VRK2: variants seen among roughly 807,000 people sequenced by gnomAD.
VRK2 encodes the protein serine/threonine-protein kinase VRK2.
In VRK2, 60 loss-of-function variants were observed where a neutral mutation model predicts 57.6. The ratio of observed to expected loss-of-function variants is 1.04; its 90% CI spans 0.85 to 1.29. The LOEUF (loss-of-function observed/expected upper bound fraction) is 1.29, where lower values mean the gene tolerates loss of function less well. VRK2 is among the 50% of genes most tolerant of loss of function. VRK2 has a pLI of 0.00. For missense variants in VRK2, 705 were observed against 588.1 expected (o/e 1.20, Z -2.06); for synonymous variants, 231 against 199.2 (o/e 1.16, Z -1.35).
intron 1 of VRK2, among the ~76,000 whole-genome samples, chr2:57,932,050 G>A (rs1253795754): frequency 6.6e-6 from 1 of 152,098 alleles, no homozygotes; most frequent in African/African-American, 2.4e-5. Context: ...ATCAAGAAGT[G>A]TGATGCCTAC....
At chr2:57,993,141 C>T (rs1446807258) in intron 1 of VRK2, among the ~76,000 whole-genome samples, 1 of 152,150 alleles carries the variant, frequency 6.6e-6, no homozygotes, top group African/African-American at 2.4e-5. Flanking sequence ...TTTAAGGCCA[C>T]AAGACATTTC....
chr2:58,059,326 C>T (rs1304726381), intron 2 of VRK2, among the ~76,000 whole-genome samples: 1 of 151,952 alleles, frequency 6.6e-6, no homozygotes, highest in African/African-American at 2.4e-5. Context: ...TAGTTTTATA[C>T]ATTTTATACA....
intron 1 of VRK2, among the ~76,000 whole-genome samples, chr2:57,983,734 T>C (rs1672505157): frequency 6.6e-6 from 1 of 152,166 alleles, no homozygotes; most frequent in Non-Finnish European, 1.5e-5. Context: ...CAAATAAATC[T>C]TGGCTGAAAT....
At chr2:57,984,457 G>A (rs994814520) in intron 1 of VRK2, among the ~76,000 whole-genome samples, 3 of 152,070 alleles carry the variant, frequency 2.0e-5, no homozygotes, top group Non-Finnish European at 2.9e-5. Context: ...ATTTATCTCT[G>A]GTAAGAGAAG....
At chr2:58,057,273 G>A (rs1379177545) in intron 2 of VRK2, among the ~76,000 whole-genome samples, 1 of 152,122 alleles carries the variant, frequency 6.6e-6, no homozygotes, top group Non-Finnish European at 1.5e-5. Context: ...TATGTGACCT[G>A]CGTGTAAGGC....
At chr2:57,988,751 C>T (rs557063139) in intron 1 of VRK2, among the ~76,000 whole-genome samples, 1 of 152,300 alleles carries the variant, frequency 6.6e-6, no homozygotes, top group African/African-American at 2.4e-5. Context: ...GTTCTCAGGC[C>T]TTCAGATTTG....
intron 4 of VRK2, among the ~76,000 whole-genome samples, chr2:58,085,618 A>G (rs1260751234): frequency 1.3e-5 from 2 of 152,014 alleles, no homozygotes; most frequent in East Asian, 1.9e-4. Flanking sequence ...ATCATGTTTA[A>G]GAATAAGAGT....
chr2:57,936,977 T>A (rs1043084802), intron 1 of VRK2, among the ~76,000 whole-genome samples: 1 of 152,206 alleles, frequency 6.6e-6, no homozygotes, highest in Admixed American at 6.5e-5. Context: ...AAACAATATA[T>A]CTGCTCTTTC....
At chr2:57,966,893 T>C (rs1671935197) in intron 1 of VRK2, among the ~76,000 whole-genome samples, 1 of 152,058 alleles carries the variant, frequency 6.6e-6, no homozygotes, top group Non-Finnish European at 1.5e-5. Context: ...CTTATCCCAG[T>C]AGAATGGTTA....
At chr2:58,099,930 T>A (rs1033122319) in intron 7 of VRK2, among the ~76,000 whole-genome samples, 2 of 152,036 alleles carry the variant, frequency 1.3e-5, no homozygotes, top group African/African-American at 4.8e-5. Flanking sequence ...GAAAATGTGT[T>A]CTCCAAATAC....
chr2:58,015,621 A>C (rs1246893822), intron 1 of VRK2, among the ~76,000 whole-genome samples: 1 of 152,092 alleles, frequency 6.6e-6, no homozygotes, highest in African/African-American at 2.4e-5. Flanking sequence ...GTTATCATAC[A>C]TATTTATGTG....
chr2:58,015,179 G>A (rs1673543205), intron 1 of VRK2, among the ~76,000 whole-genome samples: 1 of 152,058 alleles, frequency 6.6e-6, no homozygotes, highest in African/African-American at 2.4e-5. Context: ...CCTCTTGTGT[G>A]GCTACATCAG....
intron 7 of VRK2, among the ~76,000 whole-genome samples, chr2:58,094,414 T>C (rs943686903): frequency 1.4e-4 from 21 of 152,206 alleles, no homozygotes; most frequent in Admixed American, 1.0e-3. Context: ...GGTATTTTAT[T>C]CTCTTTGAAG....
intron 1 of VRK2, among the ~76,000 whole-genome samples, chr2:57,913,465 A>G (rs1388049700): frequency 1.3e-5 from 2 of 152,160 alleles, no homozygotes; most frequent in Admixed American, 6.6e-5. Flanking sequence ...ATGTATCTAA[A>G]TCTCCTTTTT....
upstream of VRK2, chr2:58,046,435 G>A (rs959122539): frequency 7.3e-6 from 7 of 956,452 alleles, no homozygotes; most frequent in Non-Finnish European, 8.7e-6. Flanking sequence ...GCTCGGTAAG[G>A]ACTAGCCATT....
intron 2 of VRK2, among the ~76,000 whole-genome samples, chr2:58,060,639 A>G (rs1002727569): frequency 6.6e-6 from 1 of 151,908 alleles, no homozygotes; most frequent in East Asian, 1.9e-4. Flanking sequence ...ATGTAAAGAC[A>G]TGCAAAATAA....
At chr2:58,076,059 G>A (rs1670056329) in intron 2 of VRK2, among the ~76,000 whole-genome samples, 1 of 150,308 alleles carries the variant, frequency 6.7e-6, no homozygotes, top group Non-Finnish European at 1.5e-5. Context: ...TATGTTGAGT[G>A]GAAACCTCTC....
chr2:57,966,556 C>T (rs747546085), intron 1 of VRK2, among the ~76,000 whole-genome samples: 2 of 151,942 alleles, frequency 1.3e-5, no homozygotes, highest in African/African-American at 2.4e-5. Flanking sequence ...TCTTCCATGG[C>T]GACAACTCAC....
upstream of VRK2, among the ~76,000 whole-genome samples, chr2:58,044,399 T>G (rs1001374292): frequency 2.0e-5 from 3 of 152,242 alleles, no homozygotes. Flanking sequence ...GTTCATTTAT[T>G]CATTGAAGAA....
Sources: allele counts gnomAD v4.1 joint callset (sites outside exome capture counted in the v4.1 genomes callset), GRCh38; gene constraint gnomAD v4.1.1; transcripts MANE v1.5; gene names NCBI Gene and HGNC (gene_info 2026-07-23, HGNC 2026-07-21).